Variants in PELI2 observed in about 807,000 individuals in gnomAD.
PELI2 encodes pellino E3 ubiquitin protein ligase family member 2.
PELI2 carries 23 observed loss-of-function variants against 42.3 expected under a neutral mutation model. The observed-to-expected ratio is 0.54, with a 90% CI of 0.39 to 0.77. PELI2 has a LOEUF of 0.77. Among genes scored for constraint, PELI2 ranks in the 30% least tolerant of loss-of-function variants. PELI2 has a pLI of 0.00. For missense variants in PELI2, 463 were observed against 553.2 expected (o/e 0.84, Z 1.64); for synonymous variants, 245 against 212.2 (o/e 1.15, Z -1.34).
intron 1 of PELI2, among the ~76,000 whole-genome samples, chr14:56,168,271 C>A (rs1435640466): frequency 1.3e-5 from 2 of 152,196 alleles, no homozygotes; most frequent in Admixed American, 6.5e-5. Context: ...GTGCCCCCCC[C>A]CAGACCCTGG....
At chr14:56,257,556 A>G (rs1888566739) in intron 2 of PELI2, among the ~76,000 whole-genome samples, 1 of 138 alleles carries the variant, frequency 7.2e-3, no homozygotes, top group Non-Finnish European at 9.3e-3. Context: ...TGTGAAACAC[A>G]GAGGAACAGA....
chr14:56,121,099 T>C (rs1302846138), intron 1 of PELI2, among the ~76,000 whole-genome samples: 1 of 152,178 alleles, frequency 6.6e-6, no homozygotes, highest in African/African-American at 2.4e-5. Context: ...CTTTATGATA[T>C]TATCTTTATG....
chr14:56,137,085 A>G (rs2139597031), intron 1 of PELI2, among the ~76,000 whole-genome samples: 1 of 152,324 alleles, frequency 6.6e-6, no homozygotes, highest in East Asian at 1.9e-4. Flanking sequence ...CCCAGTAGAA[A>G]CCTGTACTGC....
At chr14:56,235,692 A>G (rs978434807) in intron 2 of PELI2, among the ~76,000 whole-genome samples, 19 of 152,368 alleles carry the variant, frequency 1.2e-4, no homozygotes, top group East Asian at 3.9e-4. Context: ...GCAAATCCGT[A>G]TCTTTCAATT....
At chr14:56,176,316 C>T (rs1885382980) in intron 1 of PELI2, among the ~76,000 whole-genome samples, 1 of 152,188 alleles carries the variant, frequency 6.6e-6, no homozygotes. Flanking sequence ...TTGTGCCAAA[C>T]CCCTCTCAAC....
chr14:56,279,624 A>G (rs942254747), intron 2 of PELI2, 52 bp from the exon 3 acceptor site: 34 of 1,048,520 alleles, frequency 3.2e-5, no homozygotes, highest in Non-Finnish European at 1.5e-5. Flanking sequence ...GGCAGAATTG[A>G]TAAGTTGTTG....
intron 1 of PELI2, among the ~76,000 whole-genome samples, chr14:56,172,030 GA>G (rs1359686200): frequency 6.6e-6 from 1 of 151,904 alleles, no homozygotes; most frequent in Non-Finnish European, 1.5e-5. Context: ...AAAAGAAAAA[GA>G]AAAAAAGATT....
At chr14:56,194,778 C>T (rs956668028) in intron 2 of PELI2, among the ~76,000 whole-genome samples, 11 of 152,250 alleles carry the variant, frequency 7.2e-5, no homozygotes, top group East Asian at 1.9e-4. Flanking sequence ...GAATGCCCCC[C>T]GCCCCGCCCA....
chr14:56,147,889 G>A (rs377628114), intron 1 of PELI2, among the ~76,000 whole-genome samples: 2 of 152,210 alleles, frequency 1.3e-5, no homozygotes, highest in African/African-American at 4.8e-5. Context: ...AGTCTGACAG[G>A]TTGTCTTGGA....
chr14:56,154,954 TTG>T (rs1240242682), intron 1 of PELI2, among the ~76,000 whole-genome samples: 1 of 152,210 alleles, frequency 6.6e-6, no homozygotes, highest in East Asian at 1.9e-4. Context: ...TTGCTTTAAT[TTG>T]TGTTTTTTTG....
intron 2 of PELI2, among the ~76,000 whole-genome samples, chr14:56,185,924 C>T (rs1885754478): frequency 6.6e-6 from 1 of 152,018 alleles, no homozygotes; most frequent in Non-Finnish European, 1.5e-5. Context: ...ATTTCTGTCC[C>T]CATTCTCCCA....
At chr14:56,251,182 C>T (rs1888330184) in intron 2 of PELI2, among the ~76,000 whole-genome samples, 1 of 152,196 alleles carries the variant, frequency 6.6e-6, no homozygotes, top group African/African-American at 2.4e-5. Context: ...CACTCAGCTG[C>T]TCACAGCGGG....
intron 2 of PELI2, among the ~76,000 whole-genome samples, chr14:56,259,292 G>A (rs1185379934): frequency 3.3e-5 from 5 of 152,212 alleles, no homozygotes; most frequent in South Asian, 4.1e-4. Context: ...AGTACTAGAC[G>A]TGGTAAAAAT....
intron 2 of PELI2, among the ~76,000 whole-genome samples, chr14:56,266,677 C>G (rs768304627): frequency 1.3e-5 from 2 of 151,960 alleles, no homozygotes; most frequent in African/African-American, 2.4e-5. Flanking sequence ...AGTAGTTTGA[C>G]AATAACTATC....
In PELI2 at chr14:56,207,333, T is replaced by C. The variant is rs559107828; in HGVS notation, c.207+28869T>C. ...GTTCTAGTCACTATGCTAATAATTT[T>C]ATATATATTATTTAATTGCTCCAAC... On this transcript the variant is annotated intron_variant, in intron 2 of 5. Transcript: ENST00000267460. Among the ~76,000 whole-genome samples the C allele has an allele frequency of 1.4e-3, 215 of 152,188 alleles. 1 individual carries two copies. Among genetic ancestry groups the C allele is most frequent in the African/African-American group, 5.0e-3 (208 of 41,566 alleles).
chr14:56,162,555 C>T (rs1365720033), intron 1 of PELI2, among the ~76,000 whole-genome samples: 1 of 152,172 alleles, frequency 6.6e-6, no homozygotes, highest in Non-Finnish European at 1.5e-5. Context: ...CTCTTGTAAA[C>T]AGTGCTGCAG....
chr14:56,171,654 G>A (rs1168302970), intron 1 of PELI2, among the ~76,000 whole-genome samples: 1 of 152,126 alleles, frequency 6.6e-6, no homozygotes, highest in South Asian at 2.1e-4. Flanking sequence ...CCAGATGGGG[G>A]GTGTGAATAG....
chr14:56,273,724 T>G lies in PELI2; in HGVS notation c.208-5952T>G, dbSNP rs1319455728. Among the ~76,000 whole-genome samples the G allele has an allele frequency of 1.3e-5, 2 of 152,176 alleles. No individual in the cohort carries two copies. The highest frequency in any genetic ancestry group is 2.9e-5 in the Non-Finnish European group (2 of 68,024). ...AGGGCTCAGGGGTGACATGAAGTTT[T>G]TAAGTGTGAGTGACTGTTGTGCTAT... is the stretch of plus-strand genomic sequence containing the variant. On this transcript the variant is annotated intron_variant, in intron 2 of 5. Transcript: ENST00000267460. The surrounding 1 kb of genome is among the most constrained non-coding windows in gnomAD (Gnocchi z 4.3).
chr14:56,119,910 G>A lies in PELI2; in HGVS notation c.77+1173G>A, dbSNP rs963253457. ...GAGTCATGGCTGTGGGAAGACTCAG[G>A]GAACTTTGCAAAACGTGTTTTGATA... On this transcript the variant is annotated intron_variant, in intron 1 of 5. Transcript: ENST00000267460. 8 of 933,258 alleles carry A rather than the reference G, an allele frequency of 8.6e-6. No homozygotes were observed. In the African/African-American group the frequency reaches 1.2e-4, roughly 15 times the overall value. 57.8% of individuals were successfully genotyped at this position (933,258 alleles called of 1,614,324 possible).
Sources: gnomAD v4.1 joint callset for allele counts (sites outside exome capture counted in the v4.1 genomes callset) on GRCh38, gnomAD v4.1.1 for gene constraint, Gnocchi (gnomAD v3.1) non-coding constraint, MANE v1.5 for transcripts, NCBI Gene and HGNC (gene_info 2026-07-23, HGNC 2026-07-21) for gene names.